Variants in NIBAN1 observed in about 807,000 individuals in gnomAD.
The protein encoded by NIBAN1 is protein Niban 1.
Under a neutral mutation model 75.1 loss-of-function variants are expected in NIBAN1, and 81 were observed. The ratio of observed to expected loss-of-function variants is 1.08; its 90% CI spans 0.90 to 1.30. The LOEUF (loss-of-function observed/expected upper bound fraction) is 1.30. Ranked by LOEUF, NIBAN1 falls within the 50% of genes most tolerant of loss-of-function variation. NIBAN1 has a pLI of 0.00. For synonymous variants in NIBAN1, 436 were observed against 424.8 expected (o/e 1.03, Z -0.32); for missense variants, 1,133 against 1,128.1 (o/e 1.00, Z -0.06).
In NIBAN1 at chr1:184,884,064, C is replaced by A. The variant is rs186637330; in HGVS notation, c.601+569G>T. Among the ~76,000 whole-genome samples, 30 of 152,206 alleles carry A rather than the reference C, an allele frequency of 2.0e-4. 1 individual carries two copies. The East Asian group carries it at 5.8e-3, about 29-fold the overall frequency. On this transcript the variant is annotated intron_variant, in intron 5 of 13. Transcript: ENST00000367511. ...CAGGACAGTCAGAATGTGACACCCC[C>A]CAACTTGCAGCCAGATAACTGCCCC...
At chr1:184,833,479 T>G (rs780023367) in intron 5 of NIBAN1, among the ~76,000 whole-genome samples, 1 of 151,724 alleles carries the variant, frequency 6.6e-6, no homozygotes, top group Non-Finnish European at 1.5e-5. Flanking sequence ...AGGCCAAGGA[T>G]GGAGGATCAC....
intron 9 of NIBAN1, among the ~76,000 whole-genome samples, chr1:184,808,563 A>G (rs1189942271): frequency 6.6e-6 from 1 of 152,152 alleles, no homozygotes; most frequent in Non-Finnish European, 1.5e-5. Context: ...CCAGACAGGT[A>G]GGCTCTGATA....
chr1:184,853,333 C>A (rs529964297), intron 5 of NIBAN1, among the ~76,000 whole-genome samples: 87 of 152,232 alleles, frequency 5.7e-4, no homozygotes, highest in Admixed American at 1.5e-3. Context: ...ATAAATCATA[C>A]CCTTTGTATA....
Position 184,974,478 on chromosome 1 carries a change from G to A in NIBAN1, c.-122C>T, listed in dbSNP as rs974718125. ...TAAGAGCAAACTTCCTTCGAGAGGC[G>A]AGAGACAGGAGGCAAGAGGCGTCGC... On this transcript the variant is annotated 5_prime_UTR_variant, in exon 1 of 14. Transcript: ENST00000367511. 3.0e-5 allele frequency: 40 copies of A among 1,312,296 alleles called. No homozygotes were observed. Among genetic ancestry groups the A allele is most frequent in the Non-Finnish European group, 4.1e-5 (40 of 966,908 alleles). 81.3% of individuals were successfully genotyped at this position (1,312,296 alleles called of 1,614,324 possible).
intron 1 of NIBAN1, among the ~76,000 whole-genome samples, chr1:184,919,432 T>C (rs558607567): frequency 6.6e-6 from 1 of 152,328 alleles, no homozygotes; most frequent in African/African-American, 2.4e-5. Flanking sequence ...GAGGTGAATA[T>C]TTAGATTAAG....
intron 10 of NIBAN1, 174 bp downstream of exon 10, chr1:184,807,900 A>G: frequency 1.5e-6 from 1 of 681,268 alleles, no homozygotes; most frequent in Non-Finnish European, 2.6e-6. Flanking sequence ...GTTCATCCAC[A>G]TGGATGGAAG....
intron 5 of NIBAN1, among the ~76,000 whole-genome samples, chr1:184,852,674 T>C (rs551699272): frequency 1.3e-4 from 20 of 152,338 alleles, no homozygotes; most frequent in African/African-American, 4.1e-4. Flanking sequence ...GTCAGTTGTA[T>C]TGACATTTGG....
At chr1:184,862,608 AG>A (rs1375407606) in intron 5 of NIBAN1, among the ~76,000 whole-genome samples, 4 of 152,220 alleles carry the variant, frequency 2.6e-5, no homozygotes, top group Non-Finnish European at 5.9e-5. Context: ...AGAACTTGAA[AG>A]ATCCTAAAAT....
intron 1 of NIBAN1, among the ~76,000 whole-genome samples, chr1:184,952,484 G>A (rs1253678437): frequency 6.6e-6 from 1 of 152,204 alleles, no homozygotes; most frequent in Non-Finnish European, 1.5e-5. Context: ...CAGTCTTTGG[G>A]ATTCCCCGGG....
chr1:184,835,871 C>T (rs529765143), intron 5 of NIBAN1, among the ~76,000 whole-genome samples: 5 of 152,308 alleles, frequency 3.3e-5, no homozygotes, highest in African/African-American at 1.2e-4. Flanking sequence ...GCAGAACTTC[C>T]AACACTATGT....
chr1:184,939,298 GC>G, intron 1 of NIBAN1, among the ~76,000 whole-genome samples: 1 of 152,164 alleles, frequency 6.6e-6, no homozygotes, highest in Non-Finnish European at 1.5e-5. Flanking sequence ...GTAACTGGAG[GC>G]AGAAACAAAG....
Position 184,791,158 on chromosome 1 carries a change from C to A in NIBAN1, c.*3819G>T. 1 of 421,372 alleles carries A rather than the reference C, an allele frequency of 2.4e-6. No individual in the cohort carries two copies. The allele number at this position is 421,372 out of a possible 1,614,324, so 26.1% of individuals were successfully genotyped here. A position where few individuals can be genotyped will look rare whatever the true frequency, so the allele number is the denominator to read the frequency against. On this transcript the variant is annotated 3_prime_UTR_variant, in exon 14 of 14. Coordinates refer to ENST00000367511, the MANE Select transcript of NIBAN1 (RefSeq NM_052966.4). ...TCAATCCACAGTGTCGATTTTTTTT[C>A]TTGAAGTTGCAGACTTTAGAAGGCA...
intron 12 of NIBAN1, among the ~76,000 whole-genome samples, chr1:184,800,532 T>G (rs1654008790): frequency 1.3e-5 from 2 of 151,012 alleles, no homozygotes; most frequent in African/African-American, 4.9e-5. Context: ...CATCTTGAAT[T>G]GATTTTTGTA....
At chr1:184,894,985 A>C (rs996404253) in intron 2 of NIBAN1, among the ~76,000 whole-genome samples, 2 of 152,178 alleles carry the variant, frequency 1.3e-5, no homozygotes, top group African/African-American at 2.4e-5. Flanking sequence ...TTTCTTTTAC[A>C]TGTCACTGAG....
chr1:184,933,905 T>C (rs1657887788), intron 1 of NIBAN1, among the ~76,000 whole-genome samples: 1 of 152,244 alleles, frequency 6.6e-6, no homozygotes, highest in Admixed American at 6.5e-5. Flanking sequence ...TGGTTCACAA[T>C]GATGGGGGTC....
intron 11 of NIBAN1, 171 bp downstream of exon 11, chr1:184,805,775 A>C (rs1654179287): frequency 3.3e-6 from 2 of 608,486 alleles, no homozygotes; most frequent in Admixed American, 5.7e-5. Flanking sequence ...CAGAAGAGGC[A>C]TGGAAGTCAC....
At chr1:184,959,157 C>G (rs1658564178) in intron 1 of NIBAN1, among the ~76,000 whole-genome samples, 1 of 152,214 alleles carries the variant, frequency 6.6e-6, no homozygotes, top group South Asian at 2.1e-4. Flanking sequence ...CTGAACTGAT[C>G]CTGCTCAGCT....
chr1:184,797,163 C>A (rs377230894), intron 13 of NIBAN1, among the ~76,000 whole-genome samples: 229 of 142,680 alleles, frequency 1.6e-3, no homozygotes, highest in African/African-American at 5.4e-3. Flanking sequence ...TTTTTGAGAC[C>A]GAGTCTCACT....
chr1:184,945,196 T>C (rs1339736579), intron 1 of NIBAN1, among the ~76,000 whole-genome samples: 1 of 152,178 alleles, frequency 6.6e-6, no homozygotes, highest in Non-Finnish European at 1.5e-5. Context: ...TGAATTTTTC[T>C]TTACAGAGAG....
Sources: allele counts gnomAD v4.1 joint callset (sites outside exome capture counted in the v4.1 genomes callset), GRCh38; gene constraint gnomAD v4.1.1; transcripts MANE v1.5; gene names NCBI Gene and HGNC (gene_info 2026-07-23, HGNC 2026-07-21).